The following MBNL3 variants were observed in gnomAD, a reference collection of about 807,000 sequenced individuals.
The protein encoded by MBNL3 is muscleblind like splicing regulator 3.
Under a neutral mutation model 24.5 loss-of-function variants are expected in MBNL3, and 6 were observed. The observed-to-expected ratio is 0.25, with a 90% CI of 0.13 to 0.48. MBNL3 has a LOEUF of 0.48. Ranked by LOEUF, MBNL3 falls within the 20% of genes least tolerant of loss-of-function variation. The probability of loss-of-function intolerance (pLI) is 0.99; values close to 1 mark genes in which losing one functional copy is unlikely to be tolerated. For missense variants in MBNL3, 230 were observed against 293.5 expected, an observed-to-expected ratio of 0.78 and a Z score of 1.58; for synonymous variants, 100 against 101.7, an observed-to-expected ratio of 0.98 and a Z score of 0.10.
chrX:132,458,187 T>C (rs1453796656), intron 1 of MBNL3, among the ~76,000 whole-genome samples: 1 of 111,138 alleles, frequency 9.0e-6, no homozygotes, highest in Non-Finnish European at 1.9e-5. Context: ...GGTACAAACA[T>C]GGATAAGCCA....
At chrX:132,398,744 T>A (rs900073643) in intron 3 of MBNL3, among the ~76,000 whole-genome samples, 50 of 110,917 alleles carry the variant, frequency 4.5e-4, no homozygotes, top group African/African-American at 1.4e-3. Context: ...TCAGTGAAAG[T>A]TAGATAAATA....
intron 1 of MBNL3, among the ~76,000 whole-genome samples, chrX:132,466,242 C>T (rs1035522027): frequency 2.7e-5 from 3 of 112,244 alleles, no homozygotes; most frequent in African/African-American, 9.7e-5. Context: ...TCTAGGTTAT[C>T]ATTAGAAAGA....
intron 2 of MBNL3, chrX:132,411,313 G>A: frequency 2.7e-6 from 2 of 754,165 alleles, no homozygotes; most frequent in Non-Finnish European, 3.1e-6. Context: ...GAGAGCAGAA[G>A]AATTTTCTTG....
intron 3 of MBNL3, among the ~76,000 whole-genome samples, chrX:132,404,891 A>C (rs1188765345): frequency 8.9e-6 from 1 of 111,809 alleles, no homozygotes; most frequent in Non-Finnish European, 1.9e-5. Flanking sequence ...GTAACAAATA[A>C]AGGTAAAACA....
intron 2 of MBNL3, chrX:132,432,391 G>A (rs1944810246): frequency 9.0e-6 from 1 of 110,667 alleles, no homozygotes; most frequent in African/African-American, 3.3e-5. Context: ...ACAAAGTTGT[G>A]TAACTATCAT....
chrX:132,438,790 T>C (rs1175857442), intron 2 of MBNL3, among the ~76,000 whole-genome samples: 2 of 105,613 alleles, frequency 1.9e-5, no homozygotes, highest in African/African-American at 3.5e-5. Context: ...AATAGGACTT[T>C]CCTTACAAAA....
chrX:132,410,643 G>A, intron 2 of MBNL3, among the ~76,000 whole-genome samples: 1 of 112,621 alleles, frequency 8.9e-6, no homozygotes, highest in East Asian at 2.8e-4. Flanking sequence ...GAAGAAAAAT[G>A]TTGTTATTCC....
chrX:132,487,949 T>C (rs184964997), intron 1 of MBNL3, among the ~76,000 whole-genome samples: 13 of 111,891 alleles, frequency 1.2e-4, no homozygotes, highest in Admixed American at 1.0e-3. Flanking sequence ...ATTATATCAG[T>C]AATCACCCAA....
In MBNL3 at chrX:132,439,639, A is replaced by G. The variant is rs1417180940; in HGVS notation, c.-28T>C. The G allele has an allele frequency of 2.6e-6, 3 of 1,174,201 alleles. No individual in the cohort carries two copies. Among genetic ancestry groups the G allele is most frequent in the Non-Finnish European group, 3.4e-6 (3 of 877,066 alleles). ...TGAAAGCAAAATTAAAATCCAATGTACCCTCTTTAGGACAATATTACTGTG... is the reference window on the plus strand; with the variant it reads ...TGAAAGCAAAATTAAAATCCAATGTGCCCTCTTTAGGACAATATTACTGTG... On this transcript the variant is annotated 5_prime_UTR_variant, in exon 2 of 9. Transcript: ENST00000370853.
At position 132,405,272 on chromosome X, in the gene MBNL3, C is replaced by T. The variant is rs149386098; in HGVS notation, c.342+956G>A. Among the ~76,000 whole-genome samples the T allele has an allele frequency of 7.0e-3, 780 of 111,605 alleles. 3 individuals are homozygous for T. Among genetic ancestry groups the T allele is most frequent in the Non-Finnish European group, 0.011 (602 of 53,056 alleles). On this transcript the variant is annotated intron_variant, in intron 3 of 8. Coordinates refer to ENST00000370853, the MANE Select transcript of MBNL3 (RefSeq NM_001386889.1). ...CAAGATCATGGGAAATTGGGAAAAACTGAGAAATGGTCACAGAGCAGAGAA... is the reference window on the plus strand; with the variant it reads ...CAAGATCATGGGAAATTGGGAAAAATTGAGAAATGGTCACAGAGCAGAGAA...
intron 8 of MBNL3, among the ~76,000 whole-genome samples, chrX:132,381,605 C>T (rs1250236547): frequency 9.0e-6 from 1 of 111,337 alleles, no homozygotes; most frequent in Non-Finnish European, 1.9e-5. Context: ...TTTCAAGACT[C>T]CCCCCAAACT....
intron 3 of MBNL3, among the ~76,000 whole-genome samples, chrX:132,404,420 G>A (rs1410621918): frequency 8.9e-6 from 1 of 111,762 alleles, no homozygotes; most frequent in African/African-American, 3.3e-5. Flanking sequence ...ACTGAGATAC[G>A]TCAGTATGTG....
At chrX:132,386,330 A>G (rs1164014924) in intron 6 of MBNL3, among the ~76,000 whole-genome samples, 1 of 111,784 alleles carries the variant, frequency 8.9e-6, no homozygotes, top group East Asian at 2.8e-4. Context: ...TTTATTTGAC[A>G]GCACTCTACT....
At position 132,376,189 on chromosome X, in the gene MBNL3, T is replaced by C. The variant is rs921275516; in HGVS notation, c.*3477A>G. 5.4e-5 allele frequency: 6 copies of C among 110,674 alleles called. No homozygotes were observed. Among genetic ancestry groups the C allele is most frequent in the Non-Finnish European group, 7.6e-5 (4 of 52,765 alleles). The allele number at this position is 110,674 out of a possible 1,213,427, so 9.1% of individuals were successfully genotyped here. ...CATGTTCAAAAACGGATGAAAAAAA[T>C]TGATGGAGTAGAGAGAAGATGACTT... On this transcript the variant is annotated 3_prime_UTR_variant, in exon 9 of 9. Transcript: ENST00000370853.
At chrX:132,425,337 A>G (rs953899502) in intron 2 of MBNL3, among the ~76,000 whole-genome samples, 1 of 111,923 alleles carries the variant, frequency 8.9e-6, no homozygotes, top group Non-Finnish European at 1.9e-5. Context: ...TATAGTACAT[A>G]AGCCTAGAGA....
chrX:132,399,707 G>A lies in MBNL3; in HGVS notation c.342+6521C>T, dbSNP rs753966900. 6.4e-5 allele frequency among the ~76,000 whole-genome samples: 7 copies of A among 109,335 alleles called. No homozygotes were observed. The South Asian group carries it at 2.8e-3, about 44-fold the overall frequency. 94.9% of individuals were successfully genotyped at this position (109,335 alleles called of 115,157 possible). Reference sequence around the variant, plus strand: ...TATTAAGGCAAATTAGAAATGCTTGGGGGTACCACTTTAATTATCAGGTGG... The same window carrying A: ...TATTAAGGCAAATTAGAAATGCTTGAGGGTACCACTTTAATTATCAGGTGG... On this transcript the variant is annotated intron_variant, in intron 3 of 8. Transcript: ENST00000370853.
intron 2 of MBNL3, among the ~76,000 whole-genome samples, chrX:132,422,746 A>G (rs2148375672): frequency 9.0e-6 from 1 of 111,579 alleles, no homozygotes; most frequent in South Asian, 3.8e-4. Flanking sequence ...CTTAATTGAC[A>G]CCCTGCTAAA....
chrX:132,468,554 C>A (rs1311893005), intron 1 of MBNL3, among the ~76,000 whole-genome samples: 1 of 112,492 alleles, frequency 8.9e-6, no homozygotes, highest in African/African-American at 3.2e-5. Flanking sequence ...ATGTGTTTTC[C>A]ATGTGCAAGG....
At chrX:132,477,169 T>C (rs759894599) in intron 1 of MBNL3, among the ~76,000 whole-genome samples, 137 of 112,494 alleles carry the variant, frequency 1.2e-3, no homozygotes, top group African/African-American at 4.2e-3. Context: ...TTGTTGGTGA[T>C]GATGTAACCC....
Sources: allele counts gnomAD v4.1 joint callset (sites outside exome capture counted in the v4.1 genomes callset), GRCh38; gene constraint gnomAD v4.1.1; transcripts MANE v1.5; gene names NCBI Gene and HGNC (gene_info 2026-07-23, HGNC 2026-07-21).